PHTF2: variants seen among roughly 807,000 people sequenced by gnomAD.
PHTF2 encodes the protein putative homeodomain transcription factor 2, also known as protein PHTF2.
A neutral mutation model predicts 101.2 loss-of-function variants in PHTF2; 60 were observed. That is an observed-to-expected ratio of 0.59 (90% CI 0.48 to 0.73). The LOEUF is 0.73. PHTF2 is among the 30% of genes least tolerant of loss of function. The pLI is 0.00. For missense variants in PHTF2, 747 were observed against 908.7 expected, an observed-to-expected ratio of 0.82 and a Z score of 2.29; for synonymous variants, 311 against 307.3, an observed-to-expected ratio of 1.01 and a Z score of -0.13.
chr7:77,865,290 A>AT (rs1797963856), intron 3 of PHTF2, among the ~76,000 whole-genome samples: 1 of 151,726 alleles, frequency 6.6e-6, no homozygotes, highest in Admixed American at 6.6e-5. Flanking sequence ...CAGTGGCACG[A>AT]TCTCAGCTCA....
chr7:77,925,495 G>GTTTTTTTTTTTTTTTTTTTTTTTTTTT lies in PHTF2; in HGVS notation c.1119+2722_1119+2748dup, dbSNP rs58290945. 8.2e-5 allele frequency among the ~76,000 whole-genome samples: 6 copies of GTTTTTTTTTTTTTTTTTTTTTTTTTTT among 73,138 alleles called. 1 individual carries two copies. Among genetic ancestry groups the GTTTTTTTTTTTTTTTTTTTTTTTTTTT allele is most frequent in the African/African-American group, 3.5e-4 (6 of 17,284 alleles). 48.0% of individuals were successfully genotyped at this position (73,138 alleles called of 152,430 possible). ...GCAATTATAGGCAATAGTTTTTAGGGTTTTTTTTTTTTTTTTTTTTTTTTT... is the reference window on the plus strand; with the variant it reads ...GCAATTATAGGCAATAGTTTTTAGGGTTTTTTTTTTTTTTTTTTTTTTTTTTTTTTTTTTTTTTTTTTTTTTTTTTTT... On this transcript the variant is annotated intron_variant, in intron 11 of 19. Coordinates refer to ENST00000416283, the Ensembl canonical transcript of PHTF2.
At chr7:77,867,080 T>C (rs1177033529) in intron 3 of PHTF2, among the ~76,000 whole-genome samples, 3 of 152,378 alleles carry the variant, frequency 2.0e-5, no homozygotes, top group South Asian at 2.1e-4. Flanking sequence ...TTAGTCCTTA[T>C]AATTACCCTT....
intron 11 of PHTF2, among the ~76,000 whole-genome samples, chr7:77,925,504 T>G (rs1468800002): frequency 4.2e-4 from 44 of 103,818 alleles, no homozygotes; most frequent in African/African-American, 1.9e-3. Flanking sequence ...GGTTTTTTTT[T>G]TTTTTTTTTT....
chr7:77,910,396 T>G (rs1051122230), exon 9 of PHTF2: 1 of 1,611,990 alleles, frequency 6.2e-7, no homozygotes, highest in African/African-American at 1.3e-5. Flanking sequence ...GCATGCTGCT[T>G]TCTTTTTATC....
intron 12 of PHTF2, among the ~76,000 whole-genome samples, chr7:77,935,949 T>C (rs1805087953): frequency 6.6e-6 from 1 of 152,218 alleles, no homozygotes. Flanking sequence ...ATTATTTCTT[T>C]CCCAAAACAG....
intron 3 of PHTF2, among the ~76,000 whole-genome samples, chr7:77,882,185 C>T (rs1197243439): frequency 6.6e-6 from 1 of 152,048 alleles, no homozygotes; most frequent in Non-Finnish European, 1.5e-5. Flanking sequence ...TTTTATTACT[C>T]ATAATGAATG....
chr7:77,940,491 C>T, intron 14 of PHTF2, 37 bp from the exon 14 acceptor site: 4 of 1,532,482 alleles, frequency 2.6e-6, no homozygotes, highest in South Asian at 2.5e-5. Context: ...CTGTGGTAAT[C>T]TACTTGAAAA....
chr7:77,948,926 G>C (rs1047065439), intron 16 of PHTF2, among the ~76,000 whole-genome samples: 2 of 152,158 alleles, frequency 1.3e-5, no homozygotes, highest in African/African-American at 2.4e-5. Context: ...TTGGCTCCCA[G>C]ATATTAACTT....
At chr7:77,819,713 T>A (rs1479170312) in intron 1 of PHTF2, among the ~76,000 whole-genome samples, 1 of 152,200 alleles carries the variant, frequency 6.6e-6, no homozygotes, top group Non-Finnish European at 1.5e-5. Context: ...GTTGTCTTCT[T>A]GTCTAGTTTT....
intron 11 of PHTF2, among the ~76,000 whole-genome samples, chr7:77,926,005 G>C (rs1484865275): frequency 1.3e-5 from 2 of 151,664 alleles, no homozygotes; most frequent in African/African-American, 4.8e-5. Context: ...GCAGTGAGCC[G>C]AGATCACGCC....
intron 3 of PHTF2, among the ~76,000 whole-genome samples, chr7:77,863,787 G>GTTTTTTTTT (rs368245678): frequency 1.5e-5 from 2 of 132,176 alleles, no homozygotes; most frequent in African/African-American, 2.8e-5. Flanking sequence ...GTTTTGTTTT[G>GTTTTTTTTT]TTTTTTTTTT....
intron 4 of PHTF2, 96 bp from the exon 4 acceptor site, chr7:77,893,886 G>T: frequency 1.1e-6 from 1 of 896,054 alleles, no homozygotes; most frequent in South Asian, 1.5e-5. Flanking sequence ...AATTTCTAAT[G>T]ACTATTTTTT....
chr7:77,817,919 C>A (rs947996214), intron 1 of PHTF2, among the ~76,000 whole-genome samples: 1 of 151,814 alleles, frequency 6.6e-6, no homozygotes, highest in African/African-American at 2.4e-5. Context: ...ACCAGCCTGA[C>A]CAACATGGTG....
chr7:77,932,686 A>G (rs1401379595), intron 12 of PHTF2, among the ~76,000 whole-genome samples: 1 of 151,828 alleles, frequency 6.6e-6, no homozygotes, highest in Non-Finnish European at 1.5e-5. Context: ...CAAAACAATC[A>G]TACTGCCTTG....
rs1800668949 is a variant in PHTF2, at chr7:77,893,968, A to G, written c.205-14A>G. The stretch of plus-strand genomic sequence containing the variant: ...GCTTTTTCTCCCTTTTGATGCTGTC[A>G]TTGCTCTGTACAGTTTATTAAACTG... On this transcript the variant is annotated splice_polypyrimidine_tract_variant and intron_variant, in intron 4 of 19. Coordinates refer to ENST00000416283, the Ensembl canonical transcript of PHTF2. 9 of 1,592,764 alleles carry G rather than the reference A, an allele frequency of 5.7e-6. No homozygotes were observed. Among genetic ancestry groups the G allele is most frequent in the South Asian group, 3.3e-5 (3 of 90,426 alleles).
chr7:77,850,846 G>A (rs1442903279), intron 2 of PHTF2, among the ~76,000 whole-genome samples: 2 of 151,876 alleles, frequency 1.3e-5, no homozygotes, highest in Non-Finnish European at 2.9e-5. Context: ...TCTATACCCA[G>A]TTTTTTTAGT....
intron 2 of PHTF2, among the ~76,000 whole-genome samples, chr7:77,852,435 T>C (rs1346327069): frequency 6.6e-6 from 1 of 152,240 alleles, no homozygotes; most frequent in Non-Finnish European, 1.5e-5. Context: ...TCATAACCCA[T>C]TGTTTTAAAC....
intron 1 of PHTF2, among the ~76,000 whole-genome samples, chr7:77,805,846 A>G (rs1584343655): frequency 6.6e-6 from 1 of 152,340 alleles, no homozygotes; most frequent in Admixed American, 6.5e-5. Flanking sequence ...TGATTCATTC[A>G]CACTTGAAAA....
chr7:77,901,935 T>C lies in PHTF2; in HGVS notation c.445+15T>C. 6.6e-7 allele frequency: 1 copy of C among 1,515,020 alleles called. No homozygotes were observed. The highest frequency in any genetic ancestry group is 2.1e-5 in the Admixed American group (1 of 47,404). The allele number at this position is 1,515,020 out of a possible 1,614,324, so 93.8% of individuals were successfully genotyped here. A position where few individuals can be genotyped will look rare whatever the true frequency, so the allele number is the denominator to read the frequency against. On this transcript the variant is annotated intron_variant, in intron 7 of 19. Coordinates refer to ENST00000416283, the Ensembl canonical transcript of PHTF2. ...TCTTCTTCAAGGTATAATTAAGTGA[T>C]TTTTGCTTTTACTTTTCAGAATGTT...
Sources: allele counts gnomAD v4.1 joint callset (sites outside exome capture counted in the v4.1 genomes callset), GRCh38; gene constraint gnomAD v4.1.1; transcripts MANE v1.5; gene names NCBI Gene and HGNC (gene_info 2026-07-23, HGNC 2026-07-21).